Variants in UBE2E2 observed in about 807,000 individuals in gnomAD.
The protein encoded by UBE2E2 is ubiquitin conjugating enzyme E2 E2.
UBE2E2 carries 6 observed loss-of-function variants against 24.7 expected under a neutral mutation model. That is an observed-to-expected ratio of 0.24 (90% CI 0.13 to 0.48). The LOEUF (loss-of-function observed/expected upper bound fraction) is 0.48, where lower values mean the gene tolerates loss of function less well. Among genes scored for constraint, UBE2E2 ranks in the 20% least tolerant of loss-of-function variants. The pLI is 0.99. For missense variants in UBE2E2, 169 were observed against 245.0 expected, an observed-to-expected ratio of 0.69 and a Z score of 2.07; for synonymous variants, 104 against 83.6, an observed-to-expected ratio of 1.24 and a Z score of -1.33.
chr3:23,517,748 C>A (rs971344580), intron 4 of UBE2E2, among the ~76,000 whole-genome samples: 8 of 152,028 alleles, frequency 5.3e-5, no homozygotes, highest in Admixed American at 2.0e-4. Context: ...GAAGTTGGCA[C>A]TATTTATTTA....
intron 3 of UBE2E2, among the ~76,000 whole-genome samples, chr3:23,432,121 C>G (rs939178228): frequency 6.6e-6 from 1 of 152,092 alleles, no homozygotes; most frequent in African/African-American, 2.4e-5. Flanking sequence ...ATTTCTCTTT[C>G]TATGTTTTGT....
chr3:23,246,570 A>G (rs1243845642), intron 3 of UBE2E2, among the ~76,000 whole-genome samples: 2 of 151,168 alleles, frequency 1.3e-5, no homozygotes, highest in South Asian at 2.1e-4. Flanking sequence ...TTTTGTAGAG[A>G]TGGGGGCCTT....
At chr3:23,467,477 G>C (rs1366371438) in intron 3 of UBE2E2, among the ~76,000 whole-genome samples, 2 of 152,182 alleles carry the variant, frequency 1.3e-5, no homozygotes, top group African/African-American at 4.8e-5. Context: ...GAGCAAATTG[G>C]CGCCTGACTG....
At chr3:23,473,360 CA>C (rs1277332589) in intron 3 of UBE2E2, among the ~76,000 whole-genome samples, 1 of 151,944 alleles carries the variant, frequency 6.6e-6, no homozygotes, top group African/African-American at 2.4e-5. Context: ...TGATTATCCC[CA>C]GGGGTCAAAA....
intron 3 of UBE2E2, among the ~76,000 whole-genome samples, chr3:23,373,515 C>A (rs1368071649): frequency 6.6e-6 from 1 of 152,114 alleles, no homozygotes; most frequent in African/African-American, 2.4e-5. Flanking sequence ...AAACAACAGC[C>A]ATGGAAAACA....
intron 3 of UBE2E2, among the ~76,000 whole-genome samples, chr3:23,295,702 T>C (rs1018441918): frequency 6.6e-6 from 1 of 152,220 alleles, no homozygotes; most frequent in Non-Finnish European, 1.5e-5. Flanking sequence ...ACAGGGTTTA[T>C]GTAGCTTGTA....
intron 3 of UBE2E2, among the ~76,000 whole-genome samples, chr3:23,419,149 G>C (rs1697732335): frequency 6.6e-6 from 1 of 151,878 alleles, no homozygotes; most frequent in African/African-American, 2.4e-5. Flanking sequence ...TTATTTTGTA[G>C]ATGTGAGGTT....
At position 23,474,911 on chromosome 3, in the gene UBE2E2, T is replaced by C. The variant is rs1699095074; in HGVS notation, c.228-24697T>C. Among the ~76,000 whole-genome samples, 1 of 152,082 alleles carries C rather than the reference T, an allele frequency of 6.6e-6. No individual in the cohort carries two copies. Among genetic ancestry groups the C allele is most frequent in the Non-Finnish European group, 1.5e-5 (1 of 68,042 alleles). Reference sequence around the variant, plus strand: ...AAACAGAAACACATTGTCTCTCCTTTAATTTTTTTATTTCTTAACCCACAA... The same window carrying C: ...AAACAGAAACACATTGTCTCTCCTTCAATTTTTTTATTTCTTAACCCACAA... On this transcript the variant is annotated intron_variant, in intron 3 of 5. Transcript: ENST00000396703. This position sits in a 1 kb window ranked among gnomAD's most constrained non-coding sequence, Gnocchi z 4.0.
chr3:23,238,378 T>C (rs147038669), intron 3 of UBE2E2, among the ~76,000 whole-genome samples: 2 of 152,320 alleles, frequency 1.3e-5, no homozygotes, highest in Admixed American at 6.5e-5. Context: ...ATCATGTATA[T>C]GAAAGCTTCT....
chr3:23,507,069 C>G (rs1291658655), intron 4 of UBE2E2, among the ~76,000 whole-genome samples: 1 of 152,190 alleles, frequency 6.6e-6, no homozygotes, highest in Non-Finnish European at 1.5e-5. Context: ...AAAGTGCCAG[C>G]CATCATTTTT....
intron 4 of UBE2E2, among the ~76,000 whole-genome samples, chr3:23,525,647 G>A (rs1289146429): frequency 6.6e-6 from 1 of 152,202 alleles, no homozygotes; most frequent in African/African-American, 2.4e-5. Flanking sequence ...GCCAATGTAG[G>A]CGTAACTAGT....
chr3:23,455,680 G>C (rs1698662508), intron 3 of UBE2E2, among the ~76,000 whole-genome samples: 1 of 152,116 alleles, frequency 6.6e-6, no homozygotes, highest in Non-Finnish European at 1.5e-5. Context: ...AACAGAGCGA[G>C]ACCCTGTCTC....
At chr3:23,435,558 G>C (rs1698159596) in intron 3 of UBE2E2, among the ~76,000 whole-genome samples, 1 of 152,234 alleles carries the variant, frequency 6.6e-6, no homozygotes, top group Non-Finnish European at 1.5e-5. Flanking sequence ...AGGACCCTGT[G>C]CCTCAAGTGG....
chr3:23,260,378 A>G (rs1697863149), intron 3 of UBE2E2, among the ~76,000 whole-genome samples: 1 of 152,230 alleles, frequency 6.6e-6, no homozygotes, highest in African/African-American at 2.4e-5. Context: ...AAAAGACTGT[A>G]TATGAAAACC....
intron 3 of UBE2E2, among the ~76,000 whole-genome samples, chr3:23,477,343 T>C (rs987046423): frequency 6.6e-6 from 1 of 152,238 alleles, no homozygotes; most frequent in African/African-American, 2.4e-5. Context: ...TAGCTAAATG[T>C]GTACCACATT....
intron 2 of UBE2E2, among the ~76,000 whole-genome samples, chr3:23,213,030 A>G (rs1003822069): frequency 6.6e-6 from 1 of 152,068 alleles, no homozygotes; most frequent in Non-Finnish European, 1.5e-5. Context: ...GGTTTTCGCT[A>G]GGTGATTCAA....
intron 3 of UBE2E2, among the ~76,000 whole-genome samples, chr3:23,404,538 C>T (rs183637553): frequency 2.0e-5 from 3 of 152,258 alleles, no homozygotes; most frequent in Admixed American, 2.0e-4. Context: ...GAATATATCA[C>T]TTGGCTGACT....
At chr3:23,554,294 A>G (rs1695721130) in intron 5 of UBE2E2, among the ~76,000 whole-genome samples, 1 of 152,158 alleles carries the variant, frequency 6.6e-6, no homozygotes, top group East Asian at 1.9e-4. Flanking sequence ...AGAAGACACA[A>G]TGGGGAGAGG....
intron 5 of UBE2E2, among the ~76,000 whole-genome samples, chr3:23,539,679 T>C (rs1241246267): frequency 6.6e-6 from 1 of 152,326 alleles, no homozygotes; most frequent in East Asian, 1.9e-4. Flanking sequence ...TGTGGTTCCT[T>C]TTCTGTTTCT....
Sources: allele counts gnomAD v4.1 joint callset (sites outside exome capture counted in the v4.1 genomes callset), GRCh38; gene constraint gnomAD v4.1.1; non-coding constraint Gnocchi (gnomAD v3.1); transcripts MANE v1.5; gene names NCBI Gene and HGNC (gene_info 2026-07-23, HGNC 2026-07-21).